Variants in KIAA0232 observed in about 807,000 individuals in gnomAD.
The protein encoded by KIAA0232 is uncharacterized protein KIAA0232.
A neutral mutation model predicts 122.0 loss-of-function variants in KIAA0232; 27 were observed. The ratio of observed to expected loss-of-function variants is 0.22; its 90% CI spans 0.16 to 0.31. KIAA0232 has a LOEUF of 0.31. Among genes scored for constraint, KIAA0232 ranks in the 10% least tolerant of loss-of-function variants. KIAA0232 has a pLI of 1.00. For synonymous variants in KIAA0232, 613 were observed against 587.6 expected (o/e 1.04, Z -0.63); for missense variants, 1,551 against 1,634.2 (o/e 0.95, Z 0.88).
intron 1 of KIAA0232, among the ~76,000 whole-genome samples, chr4:6,789,269 CCTT>C (rs1716774886): frequency 6.6e-6 from 1 of 151,158 alleles, no homozygotes; most frequent in African/African-American, 2.4e-5. Context: ...CCATGCCCGG[CCTT>C]TTCTTTTTTT....
In KIAA0232 at chr4:6,855,454, A is replaced by G. The variant is rs1720521674; in HGVS notation, c.370-1710A>G. On this transcript the variant is annotated intron_variant, in intron 4 of 9. Transcript: ENST00000307659. The surrounding 1 kb of genome is among the most constrained non-coding windows in gnomAD (Gnocchi z 4.3). Reference sequence around the variant, plus strand: ...AAAAGAACAGAAAAACCTGGTTGGTAGAGCTTGCTTTTACACAGAGAGTAA... The same window carrying G: ...AAAAGAACAGAAAAACCTGGTTGGTGGAGCTTGCTTTTACACAGAGAGTAA... 6.6e-6 allele frequency among the ~76,000 whole-genome samples: 1 copy of G among 152,210 alleles called. No individual in the cohort carries two copies. The highest frequency in any genetic ancestry group is 6.6e-5 in the Admixed American group (1 of 15,264).
At chr4:6,787,659 C>T (rs1170224812) in intron 1 of KIAA0232, among the ~76,000 whole-genome samples, 2 of 152,116 alleles carry the variant, frequency 1.3e-5, no homozygotes, top group Non-Finnish European at 2.9e-5. Flanking sequence ...TTTCCTCTGC[C>T]CCTACCCTCC....
chr4:6,806,795 C>T (rs543129405), intron 2 of KIAA0232, among the ~76,000 whole-genome samples: 3 of 146,354 alleles, frequency 2.0e-5, no homozygotes, highest in African/African-American at 5.0e-5. Flanking sequence ...ACAGGCTGAT[C>T]GAAACTTTCA....
At chr4:6,847,902 GC>G (rs1720053644) in intron 4 of KIAA0232, among the ~76,000 whole-genome samples, 1 of 151,324 alleles carries the variant, frequency 6.6e-6, no homozygotes, top group African/African-American at 2.4e-5. Flanking sequence ...TTTTTATTGA[GC>G]CACTTAAAAC....
intron 4 of KIAA0232, among the ~76,000 whole-genome samples, chr4:6,852,469 A>G (rs1052781991): frequency 3.3e-5 from 5 of 152,202 alleles, no homozygotes; most frequent in African/African-American, 9.7e-5. Flanking sequence ...AACGATTACC[A>G]TGATCACCAG....
intron 2 of KIAA0232, among the ~76,000 whole-genome samples, chr4:6,823,249 A>G (rs1044983903): frequency 1.3e-5 from 2 of 152,014 alleles, no homozygotes; most frequent in Non-Finnish European, 2.9e-5. Flanking sequence ...ACGTGTGCAT[A>G]TGTCTTTATA....
intron 1 of KIAA0232, among the ~76,000 whole-genome samples, chr4:6,787,396 A>G (rs1273085342): frequency 1.3e-5 from 2 of 152,244 alleles, no homozygotes; most frequent in Admixed American, 6.5e-5. Flanking sequence ...ATCCCTTTGG[A>G]AGTCAGTCAG....
intron 2 of KIAA0232, among the ~76,000 whole-genome samples, chr4:6,818,762 T>C (rs139544670): frequency 7.4e-5 from 11 of 148,434 alleles, no homozygotes; most frequent in Non-Finnish European, 3.0e-5. Flanking sequence ...ACAGCCAGAG[T>C]AGCCGAAGCA....
Position 6,803,316 on chromosome 4 carries a change from A to C in KIAA0232, c.-353-1207A>C, listed in dbSNP as rs190262127. On this transcript the variant is annotated intron_variant, in intron 1 of 9. Transcript: ENST00000307659. ...AGTTGGAAATATAGATTGAGAAGAC[A>C]AGGTAAGAGAAAGATTTGTAGGGGG... Among the ~76,000 whole-genome samples the C allele has an allele frequency of 4.6e-3, 697 of 152,204 alleles. 7 individuals carry two copies. Among genetic ancestry groups the C allele is most frequent in the African/African-American group, 0.016 (673 of 41,524 alleles).
chr4:6,875,266 C>T (rs1721690634), intron 8 of KIAA0232, among the ~76,000 whole-genome samples: 1 of 152,236 alleles, frequency 6.6e-6, no homozygotes, highest in African/African-American at 2.4e-5. Context: ...TTTGAATTTG[C>T]ACAGAAATGT....
chr4:6,813,255 C>G (rs1560169582), intron 2 of KIAA0232, among the ~76,000 whole-genome samples: 1 of 152,104 alleles, frequency 6.6e-6, no homozygotes, highest in South Asian at 2.1e-4. Flanking sequence ...TCCAAAAAAC[C>G]CTTCATTATT....
At position 6,862,827 on chromosome 4, in the gene KIAA0232, A is replaced by G; in HGVS notation, c.2445A>G (p.Pro815=). ...CTACACAAGTATGTAATGAAAGTCC[A>G]CATGGAGATGGCTACAGCTCAGGGG... The part of the protein sequence containing the change: ...FETTQVCNES[P]HGDGYSSGVI... Residue 815 remains proline (P), a synonymous_variant, in exon 7 of 10, where the codon CCA becomes CCG. Transcript: ENST00000307659. 1 of 1,614,218 alleles carries G rather than the reference A, an allele frequency of 6.2e-7. No individual in the cohort carries two copies. The highest frequency in any genetic ancestry group is 8.5e-7 in the Non-Finnish European group (1 of 1,180,034).
chr4:6,872,718 C>T (rs1326246742), intron 8 of KIAA0232, among the ~76,000 whole-genome samples: 15 of 152,194 alleles, frequency 9.9e-5, no homozygotes, highest in African/African-American at 2.2e-4. Context: ...TACGGGTTCA[C>T]GTGTTTGTCA....
rs1722048042 is a variant in KIAA0232 at position 6,881,014 on chromosome 4, A to C, written c.*48A>C. On this transcript the variant is annotated 3_prime_UTR_variant, in exon 10 of 10. Transcript: ENST00000307659. ...TTGTTTAAAAATGATATGTGATGGA[A>C]AATTACTCTTCAGTGAGACCTGTTA... 2 of 1,322,206 alleles carry C rather than the reference A, an allele frequency of 1.5e-6. No homozygotes were observed. Among genetic ancestry groups the C allele is most frequent in the Non-Finnish European group, 2.0e-6 (2 of 1,012,152 alleles). The allele number at this position is 1,322,206 out of a possible 1,614,324, so 81.9% of individuals were successfully genotyped here.
intron 9 of KIAA0232, among the ~76,000 whole-genome samples, chr4:6,879,490 G>A (rs1721938889): frequency 6.6e-6 from 1 of 152,162 alleles, no homozygotes; most frequent in Non-Finnish European, 1.5e-5. Flanking sequence ...GCCCCCGTCT[G>A]CCTTTGACCT....
At position 6,862,641 on chromosome 4, in the gene KIAA0232, T is replaced by C. The variant is rs1720938799; in HGVS notation, c.2259T>C (p.Tyr753=). 1.9e-6 allele frequency: 3 copies of C among 1,613,098 alleles called. No individual in the cohort carries two copies. The highest frequency in any genetic ancestry group is 1.7e-5 in the Admixed American group (1 of 59,826). The change falls in exon 7 of 10, where the codon TAT becomes TAC. Residue 753 remains tyrosine (Y), a synonymous_variant. Transcript: ENST00000307659. ...NYVVPRVSSN[Y]VDEELLDFLQ... The stretch of plus-strand genomic sequence containing the variant: ...TAGTTCCTAGAGTCTCGTCAAATTA[T>C]GTAGATGAAGAACTTCTAGATTTTT...
chr4:6,822,476 T>C (rs1346234262), intron 2 of KIAA0232, among the ~76,000 whole-genome samples: 1 of 152,208 alleles, frequency 6.6e-6, no homozygotes, highest in Non-Finnish European at 1.5e-5. Context: ...CTAACATTTA[T>C]TAACAATACT....
intron 1 of KIAA0232, among the ~76,000 whole-genome samples, chr4:6,789,173 G>GCC (rs1299613795): frequency 2.0e-5 from 3 of 151,692 alleles, no homozygotes; most frequent in Non-Finnish European, 4.4e-5. Flanking sequence ...GGGTTTCACC[G>GCC]TGTTAGCCAG....
chr4:6,791,126 C>T (rs1237883121), intron 1 of KIAA0232, among the ~76,000 whole-genome samples: 1 of 150,912 alleles, frequency 6.6e-6, no homozygotes, highest in East Asian at 2.0e-4. Context: ...TGCCATGTTG[C>T]CCAGGCTGGT....
Sources: gnomAD v4.1 joint callset for allele counts (sites outside exome capture counted in the v4.1 genomes callset) on GRCh38, gnomAD v4.1.1 for gene constraint, Gnocchi (gnomAD v3.1) non-coding constraint, MANE v1.5 for transcripts, NCBI Gene and HGNC (gene_info 2026-07-23, HGNC 2026-07-21) for gene names.